PCDHGA3: variants seen among roughly 807,000 people sequenced by gnomAD.
The protein encoded by PCDHGA3 is protocadherin gamma subfamily A, 3, also known as protocadherin gamma-A3.
A neutral mutation model predicts 58.5 loss-of-function variants in PCDHGA3; 40 were observed. The observed-to-expected ratio is 0.68, with a 90% CI of 0.53 to 0.89. PCDHGA3 has a LOEUF of 0.89. Ranked by LOEUF, PCDHGA3 falls within the 40% of genes least tolerant of loss-of-function variation. The probability of loss-of-function intolerance (pLI) is 0.00; values close to 1 mark genes in which losing one functional copy is unlikely to be tolerated. For synonymous variants in PCDHGA3, 530 were observed against 525.7 expected (o/e 1.01, Z -0.11); for missense variants, 1,223 against 1,195.9 (o/e 1.02, Z -0.33).
intron 1 of PCDHGA3, chr5:141,414,054 G>T: frequency 6.2e-7 from 1 of 1,610,250 alleles, no homozygotes; most frequent in South Asian, 1.1e-5. Context: ...ACACGCAATT[G>T]TTGAAGTTCC....
At chr5:141,352,444 C>G (rs562202552) in intron 1 of PCDHGA3, 1 of 1,614,062 alleles carries the variant, frequency 6.2e-7, no homozygotes, top group South Asian at 1.1e-5. Flanking sequence ...CCGGTCTCTG[C>G]TCCAAGTCTG....
intron 1 of PCDHGA3, among the ~76,000 whole-genome samples, chr5:141,483,094 G>C (rs1304382782): frequency 6.6e-6 from 1 of 152,058 alleles, no homozygotes; most frequent in African/African-American, 2.4e-5. Context: ...CAAAAAAAAA[G>C]TGTGCGTGTA....
chr5:141,440,883 T>C (rs1435173649), intron 1 of PCDHGA3: 4 of 152,178 alleles, frequency 2.6e-5, no homozygotes, highest in Non-Finnish European at 5.9e-5. Flanking sequence ...AGCGTCGGCC[T>C]TCAGGAAGAT....
chr5:141,459,068 A>G (rs1278498678), intron 1 of PCDHGA3, among the ~76,000 whole-genome samples: 1 of 152,226 alleles, frequency 6.6e-6, no homozygotes, highest in African/African-American at 2.4e-5. Flanking sequence ...TATATAACAT[A>G]AAATTTGCCT....
intron 1 of PCDHGA3, among the ~76,000 whole-genome samples, chr5:141,464,019 C>A (rs1285414825): frequency 2.0e-5 from 3 of 151,984 alleles, no homozygotes; most frequent in African/African-American, 4.8e-5. Context: ...TAATCCCACA[C>A]TTTGGGAGGC....
At position 141,351,795 on chromosome 5, in the gene PCDHGA3, C is replaced by T. The variant is rs765923211; in HGVS notation, c.2424+5338C>T. 9 of 1,613,360 alleles carry T rather than the reference C, an allele frequency of 5.6e-6. 1 individual carries two copies. In the East Asian group the frequency reaches 6.7e-5, roughly 12 times the overall value. Reference sequence around the variant, plus strand: ...AGCCCGCAGAGCGGGGTGGTGTTCGCGCAGCGCGCCTTCGACCACGAGCAG... The same window carrying T: ...AGCCCGCAGAGCGGGGTGGTGTTCGTGCAGCGCGCCTTCGACCACGAGCAG... On this transcript the variant is annotated intron_variant, in intron 1 of 3. Coordinates refer to ENST00000253812, the MANE Select transcript of PCDHGA3 (RefSeq NM_018916.4).
At chr5:141,433,849 A>AC (rs1304649814) in intron 1 of PCDHGA3, among the ~76,000 whole-genome samples, 10 of 152,030 alleles carry the variant, frequency 6.6e-5, no homozygotes, top group Admixed American at 1.3e-4. Flanking sequence ...AAAAAAAAAA[A>AC]AAAAAACTTT....
At chr5:141,427,352 G>A (rs982774903) in intron 1 of PCDHGA3, 3 of 457,474 alleles carry the variant, frequency 6.6e-6, no homozygotes, top group African/African-American at 6.0e-5. Flanking sequence ...CTGTAACTGA[G>A]GACGCAGAAC....
chr5:141,372,725 A>G (rs1258286952), intron 1 of PCDHGA3: 4 of 1,613,884 alleles, frequency 2.5e-6, no homozygotes, highest in Admixed American at 1.7e-5. Flanking sequence ...ATGCTGCACC[A>G]CAAGATCTTC....
intron 1 of PCDHGA3, chr5:141,478,333 G>T: frequency 6.2e-7 from 1 of 1,613,928 alleles, no homozygotes; most frequent in Non-Finnish European, 8.5e-7. Context: ...GAACACCAGG[G>T]CCCTCCTTGC....
chr5:141,345,662 C>A lies in PCDHGA3; in HGVS notation c.1629C>A (p.Ser543Arg). The A allele has an allele frequency of 6.2e-7, 1 of 1,614,224 alleles. No homozygotes were observed. The highest frequency in any genetic ancestry group is 8.5e-7 in the Non-Finnish European group (1 of 1,180,052). ...TASDSGNPPL[S>R]SNVSLNLFVL... ...GCGACAGCGGGAACCCTCCACTCAGCAGCAACGTGTCGCTGAACCTGTTCG... is the reference window on the plus strand; with the variant it reads ...GCGACAGCGGGAACCCTCCACTCAGAAGCAACGTGTCGCTGAACCTGTTCG... Residue 543 changes from serine to arginine, a missense_variant, in exon 1 of 4, where the codon AGC becomes AGA. This residue lies in a region of PCDHGA3 where 791 missense variants were observed against 708.5 expected (regional missense o/e 1.12). Coordinates refer to ENST00000253812, the MANE Select transcript of PCDHGA3 (RefSeq NM_018916.4).
In PCDHGA3 at chr5:141,487,460, G is replaced by T; in HGVS notation, c.2425-7347G>T. ...AGGGTCAGATGACCCTATCAAGTTT[G>T]TTGATGTGGGAGGCCACTCTCATGG... On this transcript the variant is annotated intron_variant, in intron 1 of 3. Transcript: ENST00000253812. The surrounding 1 kb of genome is among the most constrained non-coding windows in gnomAD (Gnocchi z 5.0). 1 of 1,614,170 alleles carries T rather than the reference G, an allele frequency of 6.2e-7. No individual in the cohort carries two copies. Among genetic ancestry groups the T allele is most frequent in the Non-Finnish European group, 8.5e-7 (1 of 1,180,024 alleles).
chr5:141,370,490 G>C (rs780342479), intron 1 of PCDHGA3: 2 of 1,613,894 alleles, frequency 1.2e-6, no homozygotes, highest in South Asian at 1.1e-5. Flanking sequence ...TCTCCGAACC[G>C]ATCCGCTACG....
chr5:141,423,434 T>C, intron 1 of PCDHGA3: 1 of 1,614,036 alleles, frequency 6.2e-7, no homozygotes, highest in Non-Finnish European at 8.5e-7. Flanking sequence ...TTGGCAGGTA[T>C]GCCCACGTCA....
chr5:141,394,500 C>T, intron 1 of PCDHGA3: 2 of 1,614,242 alleles, frequency 1.2e-6, no homozygotes, highest in Non-Finnish European at 8.5e-7. Context: ...GCCCGAGATC[C>T]TGTACCCCGC....
chr5:141,443,385 T>G (rs2098386152), intron 1 of PCDHGA3, among the ~76,000 whole-genome samples: 2 of 151,940 alleles, frequency 1.3e-5, no homozygotes, highest in African/African-American at 4.8e-5. Flanking sequence ...CTTGGGAGGC[T>G]GAGGTGTGAG....
chr5:141,478,246 C>T (rs1305046488), intron 1 of PCDHGA3: 1 of 1,614,100 alleles, frequency 6.2e-7, no homozygotes, highest in Admixed American at 1.7e-5. Context: ...TCACAGTGTT[C>T]GGAGTAATCA....
At chr5:141,496,011 T>G (rs1232125559) in intron 2 of PCDHGA3, among the ~76,000 whole-genome samples, 1 of 152,114 alleles carries the variant, frequency 6.6e-6, no homozygotes, top group African/African-American at 2.4e-5. Flanking sequence ...ATCTTGTCTT[T>G]TTTCTCTGAG....
At chr5:141,357,458 A>G (rs372570425) in intron 1 of PCDHGA3, 26 of 1,614,062 alleles carry the variant, frequency 1.6e-5, no homozygotes, top group African/African-American at 6.7e-5. Flanking sequence ...CTGCAGACCT[A>G]TTCCCACGAG....
Sources: gnomAD v4.1 joint callset for allele counts (sites outside exome capture counted in the v4.1 genomes callset) on GRCh38, gnomAD v4.1.1 for gene constraint, gnomAD v4.1.1 regional missense constraint, Gnocchi (gnomAD v3.1) non-coding constraint, MANE v1.5 for transcripts, NCBI Gene and HGNC (gene_info 2026-07-23, HGNC 2026-07-21) for gene names.